NCKAP1: variants seen among roughly 807,000 people sequenced by gnomAD.
NCKAP1 encodes the protein NCK associated protein 1.
In NCKAP1, 21 loss-of-function variants were observed where a neutral mutation model predicts 151.2. The ratio of observed to expected loss-of-function variants is 0.14; its 90% CI spans 0.10 to 0.20. NCKAP1 has a LOEUF of 0.20. Among genes scored for constraint, NCKAP1 ranks in the 10% least tolerant of loss-of-function variants. The probability of loss-of-function intolerance (pLI) is 1.00; values close to 1 mark genes in which losing one functional copy is unlikely to be tolerated. For missense variants in NCKAP1, 933 were observed against 1,352.1 expected (o/e 0.69, Z 4.86); for synonymous variants, 484 against 451.8 (o/e 1.07, Z -0.90).
In NCKAP1 at chr2:182,917,591, G is replaced by T. The variant is rs1696487826; in HGVS notation, c.*8111C>A. On this transcript the variant is annotated 3_prime_UTR_variant, in exon 31 of 31. Transcript: ENST00000361354. ...GAAAATAAGTTCATCTTTCATAAAGGCAGAATTAATCCATCAATCACATTT... is the reference window on the plus strand; with the variant it reads ...GAAAATAAGTTCATCTTTCATAAAGTCAGAATTAATCCATCAATCACATTT... 6.6e-6 allele frequency: 1 copy of T among 152,106 alleles called. No homozygotes were observed. Among genetic ancestry groups the T allele is most frequent in the African/African-American group, 2.4e-5 (1 of 41,426 alleles). The allele number at this position is 152,106 out of a possible 1,614,324, so 9.4% of individuals were successfully genotyped here.
rs1696441635 is a variant in NCKAP1 at position 182,914,769 on chromosome 2, G to A, written c.*10933C>T. 1 of 152,184 alleles carries A rather than the reference G, an allele frequency of 6.6e-6. No homozygotes were observed. Among genetic ancestry groups the A allele is most frequent in the African/African-American group, 2.4e-5 (1 of 41,440 alleles). 9.4% of individuals were successfully genotyped at this position (152,184 alleles called of 1,614,324 possible). ...TGCTGTGAGGTGGGAAAGGCTGATG[G>A]CTAGACCGACACTGCAGAGTTCCAT... On this transcript the variant is annotated 3_prime_UTR_variant, in exon 31 of 31. Transcript: ENST00000361354.
rs1460668261 is a variant in NCKAP1, at chr2:182,997,060, A to T, written c.604-1222T>A. 3.9e-5 allele frequency among the ~76,000 whole-genome samples: 6 copies of T among 152,232 alleles called. No homozygotes were observed. In the South Asian group the frequency reaches 1.0e-3, roughly 26 times the overall value. On this transcript the variant is annotated intron_variant, in intron 6 of 30. Transcript: ENST00000361354. The stretch of plus-strand genomic sequence containing the variant: ...AGAGATGTTCCTAGTAGTCTCTGAT[A>T]ATATTTTGTATTTCTGTGGGATTGG...
Position 183,038,159 on chromosome 2 carries a change from C to T in NCKAP1, c.-60G>A. The T allele has an allele frequency of 7.8e-7, 1 of 1,286,366 alleles. No individual in the cohort carries two copies. Among genetic ancestry groups the T allele is most frequent in the Non-Finnish European group, 1.0e-6 (1 of 961,518 alleles). 79.7% of individuals were successfully genotyped at this position (1,286,366 alleles called of 1,614,324 possible). ...TCGCGCCCAGTCACGGGCCCGCGGC[C>T]TTCGCAGCAGCCTCTCTCGGGCCTC... On this transcript the variant is annotated 5_prime_UTR_variant, in exon 1 of 31. Transcript: ENST00000361354.
intron 17 of NCKAP1, among the ~76,000 whole-genome samples, chr2:182,962,742 T>C (rs920719836): frequency 1.3e-5 from 2 of 150,048 alleles, no homozygotes; most frequent in East Asian, 1.9e-4. Flanking sequence ...AATGTTTAAA[T>C]AAAATGGTGA....
At chr2:182,971,393 C>CAAAAA (rs1190689259) in intron 15 of NCKAP1, among the ~76,000 whole-genome samples, 6 of 68,908 alleles carry the variant, frequency 8.7e-5, no homozygotes, top group African/African-American at 1.6e-4. Flanking sequence ...GACTCCGTCT[C>CAAAAA]AAAAAAAAAA....
At chr2:183,002,791 T>C (rs1698398605) in intron 4 of NCKAP1, among the ~76,000 whole-genome samples, 183 bp downstream of exon 4, 2 of 151,928 alleles carry the variant, frequency 1.3e-5, no homozygotes. Flanking sequence ...TTATACTCAG[T>C]GACAATCAAA....
At chr2:182,955,707 C>T (rs942704106) in intron 20 of NCKAP1, among the ~76,000 whole-genome samples, 1 of 152,162 alleles carries the variant, frequency 6.6e-6, no homozygotes, top group Non-Finnish European at 1.5e-5. Context: ...CACATGCATA[C>T]ATGTAACTGA....
In NCKAP1 at chr2:182,987,940, C is replaced by T. The variant is rs549956514; in HGVS notation, c.947+1090G>A. 3.2e-4 allele frequency among the ~76,000 whole-genome samples: 48 copies of T among 152,200 alleles called. No homozygotes were observed. In the East Asian group the frequency reaches 3.3e-3, roughly 10 times the overall value. Reference sequence around the variant, plus strand: ...GACCAGAAAGAAGCACAAAAGAATTCTCCAGAGATGATGGAAATGTTCTTA... The same window carrying T: ...GACCAGAAAGAAGCACAAAAGAATTTTCCAGAGATGATGGAAATGTTCTTA... On this transcript the variant is annotated intron_variant, in intron 9 of 30. Coordinates refer to ENST00000361354, the MANE Select transcript of NCKAP1 (RefSeq NM_013436.5).
In NCKAP1 at chr2:182,921,810, A is replaced by G. The variant is rs1359406084; in HGVS notation, c.*3892T>C. The stretch of plus-strand genomic sequence containing the variant: ...GAAAGTTTGGTTCATGCAAAAATGA[A>G]TGAAATTTTAATACACTTAAAGTTA... On this transcript the variant is annotated 3_prime_UTR_variant, in exon 31 of 31. Transcript: ENST00000361354. 10 of 150,528 alleles carry G rather than the reference A, an allele frequency of 6.6e-5. No individual in the cohort carries two copies. Among genetic ancestry groups the G allele is most frequent in the Admixed American group, 5.9e-4 (9 of 15,148 alleles). The allele number at this position is 150,528 out of a possible 1,614,324, so 9.3% of individuals were successfully genotyped here.
At chr2:182,944,733 TAAAAAG>T (rs1202416714) in intron 23 of NCKAP1, among the ~76,000 whole-genome samples, 1 of 152,072 alleles carries the variant, frequency 6.6e-6, no homozygotes, top group Non-Finnish European at 1.5e-5. Flanking sequence ...ACCTTTAAGA[TAAAAAG>T]AAAAAGATTG....
Position 183,002,997 on chromosome 2 carries a change from C to T in NCKAP1, c.346G>A (p.Val116Ile), listed in dbSNP as rs142669044. Residue 116 changes from valine to isoleucine, a missense_variant, in exon 4 of 31, where the codon GTT becomes ATT. Physicochemically the swap from Val to Ile is conservative, Grantham distance 29 (BLOSUM62 3). Transcript: ENST00000361354. ...ACAATATCAAAGAAGACTTGGCAAACGTCAATAGTATTCAGCAATTCACAA... is the reference window on the plus strand; with the variant it reads ...ACAATATCAAAGAAGACTTGGCAAATGTCAATAGTATTCAGCAATTCACAA... ...HVCELLNTIDVCQVFFDITVN... is the reference protein window; with the variant it reads ...HVCELLNTIDICQVFFDITVN... 153 of 1,608,560 alleles carry T rather than the reference C, an allele frequency of 9.5e-5. No homozygotes were observed. Among genetic ancestry groups the T allele is most frequent in the Non-Finnish European group, 1.2e-4 (143 of 1,176,328 alleles).
intron 16 of NCKAP1, among the ~76,000 whole-genome samples, chr2:182,965,176 A>G (rs1000828109): frequency 1.3e-5 from 2 of 152,002 alleles, no homozygotes. Flanking sequence ...GGATCACTGG[A>G]GCCCAGGAGT....
In NCKAP1 at chr2:182,956,322, G is replaced by C. The variant is rs1334433555; in HGVS notation, c.2153+140C>G. 4 of 1,076,204 alleles carry C rather than the reference G, an allele frequency of 3.7e-6. No homozygotes were observed. In the East Asian group the frequency reaches 8.2e-5, roughly 22 times the overall value. 66.7% of individuals were successfully genotyped at this position (1,076,204 alleles called of 1,614,324 possible). ...CCCAAAGTGCTGGGATTATAGGCGTGAGCCACCACGCCCGGCCCGGTTCAT... is the reference window on the plus strand; with the variant it reads ...CCCAAAGTGCTGGGATTATAGGCGTCAGCCACCACGCCCGGCCCGGTTCAT... On this transcript the variant is annotated intron_variant, in intron 20 of 30. Transcript: ENST00000361354.
Position 182,964,601 on chromosome 2 carries a change from A to T in NCKAP1, c.1761+75T>A, listed in dbSNP as rs1053213973. On this transcript the variant is annotated intron_variant, in intron 17 of 30. Transcript: ENST00000361354. ...GCTAAGTTAGCTAATTATGACTGTA[A>T]ATATTTGGTTGGCTACAGGTTTGAT... The T allele has an allele frequency of 1.1e-5, 14 of 1,281,912 alleles. No homozygotes were observed. The South Asian group carries it at 2.7e-4, about 25-fold the overall frequency. 79.4% of individuals were successfully genotyped at this position (1,281,912 alleles called of 1,614,324 possible). A position where few individuals can be genotyped will look rare whatever the true frequency, so the allele number is the denominator to read the frequency against.
rs1696559903 is a variant in NCKAP1 at position 182,922,166 on chromosome 2, G to A, written c.*3536C>T. On this transcript the variant is annotated 3_prime_UTR_variant, in exon 31 of 31. Transcript: ENST00000361354. ...AAGTCTTAGGAATAATACAGGTGAA[G>A]TCTCAGAAAGGCAAGTCCTTATAAC... The A allele has an allele frequency of 6.6e-6, 1 of 152,208 alleles. No individual in the cohort carries two copies. Among genetic ancestry groups the A allele is most frequent in the African/African-American group, 2.4e-5 (1 of 41,446 alleles). 9.4% of individuals were successfully genotyped at this position (152,208 alleles called of 1,614,324 possible).
chr2:182,977,456 C>T (rs1184021070), intron 14 of NCKAP1, among the ~76,000 whole-genome samples: 1 of 152,170 alleles, frequency 6.6e-6, no homozygotes, highest in Admixed American at 6.6e-5. Flanking sequence ...TACCACAGCA[C>T]TCCAGCCTGG....
In NCKAP1 at chr2:183,001,911, T is replaced by C. The variant is rs112968592; in HGVS notation, c.603+42A>G. The C allele has an allele frequency of 1.1e-3, 1,695 of 1,521,436 alleles. 3 individuals carry two copies. The highest frequency in any genetic ancestry group is 5.4e-3 in the South Asian group (474 of 88,542). The allele number at this position is 1,521,436 out of a possible 1,614,324, so 94.2% of individuals were successfully genotyped here. On this transcript the variant is annotated intron_variant, in intron 6 of 30. Transcript: ENST00000361354. Reference sequence around the variant, plus strand: ...TCCAACCATCCATCCTCATGCTATGTTATATGCCCATTCTCTCATATGCCT... The same window carrying C: ...TCCAACCATCCATCCTCATGCTATGCTATATGCCCATTCTCTCATATGCCT...
At position 182,957,674 on chromosome 2, in the gene NCKAP1, C is replaced by A. The variant is rs1332838695; in HGVS notation, c.1882-78G>T. On this transcript the variant is annotated intron_variant, in intron 18 of 30. Coordinates refer to ENST00000361354, the MANE Select transcript of NCKAP1 (RefSeq NM_013436.5). The stretch of plus-strand genomic sequence containing the variant: ...TACTAACTATTCAAGCAAACAGTAG[C>A]TGAATCCAGGCTGTGTTGCAAATAT... The A allele has an allele frequency of 2.1e-6, 3 of 1,426,444 alleles. No homozygotes were observed. In the African/African-American group the frequency reaches 4.3e-5, roughly 20 times the overall value. The allele number at this position is 1,426,444 out of a possible 1,614,324, so 88.4% of individuals were successfully genotyped here. A position where few individuals can be genotyped will look rare whatever the true frequency, so the allele number is the denominator to read the frequency against.
At chr2:182,953,910 A>G (rs889365306) in intron 20 of NCKAP1, among the ~76,000 whole-genome samples, 1 of 152,232 alleles carries the variant, frequency 6.6e-6, no homozygotes, top group African/African-American at 2.4e-5. Flanking sequence ...AGGGTTTTAC[A>G]AATTGCTTTA....
Sources: gnomAD v4.1 joint callset for allele counts (sites outside exome capture counted in the v4.1 genomes callset) on GRCh38, gnomAD v4.1.1 for gene constraint, MANE v1.5 for transcripts, NCBI Gene and HGNC (gene_info 2026-07-23, HGNC 2026-07-21) for gene names.